The following TACC3 variants were observed in gnomAD, a reference collection of about 807,000 sequenced individuals.
TACC3 encodes the protein transforming acidic coiled-coil-containing protein 3.
A neutral mutation model predicts 86.0 loss-of-function variants in TACC3; 52 were observed. That is an observed-to-expected ratio of 0.60 (90% CI 0.48 to 0.76). The LOEUF is 0.76. TACC3 is among the 30% of genes least tolerant of loss of function. The pLI is 0.00. For synonymous variants in TACC3, 512 were observed against 430.0 expected, an observed-to-expected ratio of 1.19 and a Z score of -2.36; for missense variants, 1,120 against 1,070.4, an observed-to-expected ratio of 1.05 and a Z score of -0.65.
At chr4:1,722,392 C>T (rs934908711) in intron 1 of TACC3, among the ~76,000 whole-genome samples, 4 of 152,212 alleles carry the variant, frequency 2.6e-5, no homozygotes, top group African/African-American at 9.6e-5. Flanking sequence ...TAAGCGTCGT[C>T]CGTAAGTCCC....
Position 1,744,836 on chromosome 4 carries a change from G to C in TACC3, c.2451+4G>C. On this transcript the variant is annotated splice_donor_region_variant and intron_variant, in intron 15 of 15. Transcript: ENST00000313288. ...GGAGAAGACAGTGGAGCAGAAGGTG[G>C]GTGCGGGAAGCCCAGCTCAAGGGGC... 6.2e-7 allele frequency: 1 copy of C among 1,612,976 alleles called. No individual in the cohort carries two copies. Among genetic ancestry groups the C allele is most frequent in the Non-Finnish European group, 8.5e-7 (1 of 1,180,034 alleles).
chr4:1,725,316 T>C (rs535084101), intron 3 of TACC3, among the ~76,000 whole-genome samples: 1 of 152,276 alleles, frequency 6.6e-6, no homozygotes, highest in South Asian at 2.1e-4. Context: ...CCCCCTGAGA[T>C]AAAATGTCAC....
intron 14 of TACC3, 38 bp from the exon 15 acceptor site, chr4:1,744,674 G>T: frequency 6.2e-7 from 1 of 1,612,086 alleles, no homozygotes; most frequent in Non-Finnish European, 8.5e-7. Context: ...GAGCACCTGG[G>T]CCCCAGCTCA....
rs1428638314 is a variant in TACC3 at position 1,735,352 on chromosome 4, C to A, written c.1644+27C>A. ...TAGGTACCAGGCAATTCCGCGAAGC[C>A]TCACCCACAGGGTGTCCGAGAGCAG... On this transcript the variant is annotated intron_variant, in intron 7 of 15. Coordinates refer to ENST00000313288, the MANE Select transcript of TACC3 (RefSeq NM_006342.3). This position sits in a 1 kb window ranked among gnomAD's most constrained non-coding sequence, Gnocchi z 4.2. 3.7e-6 allele frequency: 6 copies of A among 1,613,738 alleles called. No individual in the cohort carries two copies. In the Admixed American group the frequency reaches 1.0e-4, roughly 27 times the overall value.
intron 6 of TACC3, among the ~76,000 whole-genome samples, chr4:1,732,882 A>C (rs1041761123): frequency 1.3e-5 from 2 of 152,182 alleles, no homozygotes; most frequent in Non-Finnish European, 2.9e-5. Flanking sequence ...AGCTGTCAGG[A>C]GTAGTGCTGC....
At chr4:1,739,372 C>G (rs1472586962) in intron 10 of TACC3, 1 of 361,266 alleles carries the variant, frequency 2.8e-6, no homozygotes, top group African/African-American at 2.1e-5. Flanking sequence ...ACTTGGAGTT[C>G]ACTATATTTA....
rs1474489715 is a variant in TACC3 at position 1,737,242 on chromosome 4, A to G, written c.1750A>G (p.Met584Val). Residue 584 changes from methionine (M) to valine (V), a missense_variant and splice_region_variant, in exon 9 of 16, where the codon ATG becomes GTG. Transcript: ENST00000313288. ...PVPVATETSS[M>V]HGANETPSGR... Reference sequence around the variant, plus strand: ...GAGGCTGCCTCTGCTTGGTGGCAGCATGCACGGTGCAAATGAGACTCCCTC... The same window carrying G: ...GAGGCTGCCTCTGCTTGGTGGCAGCGTGCACGGTGCAAATGAGACTCCCTC... 5 of 1,613,956 alleles carry G rather than the reference A, an allele frequency of 3.1e-6. 1 individual carries two copies. In the South Asian group the frequency reaches 3.3e-5, roughly 11 times the overall value.
At chr4:1,738,367 C>T (rs935648986) in intron 10 of TACC3, 10 of 183,402 alleles carry the variant, frequency 5.5e-5, no homozygotes, top group African/African-American at 2.4e-4. Flanking sequence ...GTGTCATCTC[C>T]GCAGAGGCCT....
intron 1 of TACC3, 77 bp from the exon 2 acceptor site, chr4:1,723,344 A>G (rs1665361): frequency 0.19 from 279,067 of 1,493,000 alleles, 27,780 homozygotes; most frequent in African/African-American, 0.2. Context: ...TGCCCCTTGC[A>G]GCAGCTGTCA....
rs1205626334 is a variant in TACC3 at position 1,735,130 on chromosome 4, G to T, written c.1592-143G>T. 4 of 1,157,616 alleles carry T rather than the reference G, an allele frequency of 3.5e-6. No individual in the cohort carries two copies. Among genetic ancestry groups the T allele is most frequent in the East Asian group, 4.8e-5 (2 of 41,328 alleles). The allele number at this position is 1,157,616 out of a possible 1,614,324, so 71.7% of individuals were successfully genotyped here. A position where few individuals can be genotyped will look rare whatever the true frequency, so the allele number is the denominator to read the frequency against. On this transcript the variant is annotated intron_variant, in intron 6 of 15. Transcript: ENST00000313288. The surrounding 1 kb of genome is among the most constrained non-coding windows in gnomAD (Gnocchi z 4.2). The stretch of plus-strand genomic sequence containing the variant: ...GGCGCCTGCCGCAGACAGCAGTCAG[G>T]CCCCGAACATCCACACCTCCAAGGG...
At chr4:1,742,477 G>C (rs1210327258) in intron 13 of TACC3, among the ~76,000 whole-genome samples, 1 of 152,216 alleles carries the variant, frequency 6.6e-6, no homozygotes, top group Non-Finnish European at 1.5e-5. Flanking sequence ...ACGACCCAGT[G>C]CAGACTTTAA....
At chr4:1,732,189 G>A (rs577426072) in intron 6 of TACC3, among the ~76,000 whole-genome samples, 82 of 152,278 alleles carry the variant, frequency 5.4e-4, no homozygotes, top group Admixed American at 1.7e-3. Flanking sequence ...CGGCTTGTCC[G>A]TAAGATTGGA....
At chr4:1,733,536 A>G (rs968372113) in intron 6 of TACC3, among the ~76,000 whole-genome samples, 4 of 151,880 alleles carry the variant, frequency 2.6e-5, no homozygotes, top group African/African-American at 9.7e-5. Flanking sequence ...GCGTACACCT[A>G]TAGTCCCAGC....
At position 1,735,264 on chromosome 4, in the gene TACC3, T is replaced by C. The variant is rs1256011337; in HGVS notation, c.1592-9T>C. ...GGGCGATGGCGGCGGCATGATTCACTCCTCTCAGTTCTAGGCACGGGCGCG... is the reference window on the plus strand; with the variant it reads ...GGGCGATGGCGGCGGCATGATTCACCCCTCTCAGTTCTAGGCACGGGCGCG... On this transcript the variant is annotated splice_polypyrimidine_tract_variant and intron_variant, in intron 6 of 15. Coordinates refer to ENST00000313288, the MANE Select transcript of TACC3 (RefSeq NM_006342.3). The surrounding 1 kb of genome is among the most constrained non-coding windows in gnomAD (Gnocchi z 4.2). 3.7e-6 allele frequency: 6 copies of C among 1,613,896 alleles called. No individual in the cohort carries two copies. The highest frequency in any genetic ancestry group is 3.3e-5 in the Admixed American group (2 of 60,030).
In TACC3 at chr4:1,744,801, T is replaced by A; in HGVS notation, c.2420T>A (p.Ile807Asn). Residue 807 changes from isoleucine to asparagine, a missense_variant, in exon 15 of 16, where the codon ATC (isoleucine) becomes AAC (asparagine). Coordinates refer to ENST00000313288, the MANE Select transcript of TACC3 (RefSeq NM_006342.3). ...QASLRKEQMR[I>N]QSLEKTVEQK... ...AGCCTGAGGAAGGAGCAGATGCGCA[T>A]CCAGTCGCTGGAGAAGACAGTGGAG... is the stretch of plus-strand genomic sequence containing the variant. 6.2e-7 allele frequency: 1 copy of A among 1,612,890 alleles called. No homozygotes were observed. The highest frequency in any genetic ancestry group is 1.1e-5 in the South Asian group (1 of 91,082).
At chr4:1,736,825 G>A (rs1463883966) in intron 8 of TACC3, among the ~76,000 whole-genome samples, 3 of 152,268 alleles carry the variant, frequency 2.0e-5, no homozygotes, top group South Asian at 2.1e-4. Context: ...CAGGAGAATC[G>A]GGTGAGCCTG....
At chr4:1,742,884 T>C (rs987209659) in intron 13 of TACC3, among the ~76,000 whole-genome samples, 19 of 151,550 alleles carry the variant, frequency 1.3e-4, no homozygotes, top group Non-Finnish European at 2.6e-4. Context: ...AGAAAATCAT[T>C]TGAACCTGGG....
chr4:1,734,889 A>C (rs1357424686), intron 6 of TACC3, among the ~76,000 whole-genome samples: 6 of 151,874 alleles, frequency 4.0e-5, no homozygotes, highest in Admixed American at 1.3e-4. Context: ...CAAGTGATCC[A>C]CTCGCCTCAG....
chr4:1,738,307 CTGGGTT>C, intron 10 of TACC3: 1 of 229,710 alleles, frequency 4.4e-6, no homozygotes, highest in Non-Finnish European at 8.9e-6. Flanking sequence ...GCTGGCAGGG[CTGGGTT>C]CAAGCCCCAA....
Sources: allele counts gnomAD v4.1 joint callset (sites outside exome capture counted in the v4.1 genomes callset), GRCh38; gene constraint gnomAD v4.1.1; non-coding constraint Gnocchi (gnomAD v3.1); transcripts MANE v1.5; gene names NCBI Gene and HGNC (gene_info 2026-07-23, HGNC 2026-07-21).